The following NAA25 variants were observed in gnomAD, a reference collection of about 807,000 sequenced individuals.
NAA25 encodes N-alpha-acetyltransferase 25, NatB auxiliary subunit.
A neutral mutation model predicts 132.5 loss-of-function variants in NAA25; 30 were observed. The ratio of observed to expected loss-of-function variants is 0.23; its 90% confidence interval spans 0.17 to 0.31. The LOEUF (loss-of-function observed/expected upper bound fraction) is 0.31. Ranked by LOEUF, NAA25 falls within the 10% of genes least tolerant of loss-of-function variation. The pLI, the probability that NAA25 is intolerant of heterozygous loss-of-function variation, is 1.00. For missense variants in NAA25, 771 were observed against 1,150.4 expected (o/e 0.67, Z 4.77); for synonymous variants, 359 against 401.9 (o/e 0.89, Z 1.28).
chr12:112,095,896 G>A (rs968000076), intron 1 of NAA25, among the ~76,000 whole-genome samples: 3 of 152,130 alleles, frequency 2.0e-5, no homozygotes, highest in Non-Finnish European at 4.4e-5. Context: ...ATACTGTAAT[G>A]GTGGATATAG....
At chr12:112,102,862 A>G (rs2079314146) in intron 1 of NAA25, among the ~76,000 whole-genome samples, 1 of 151,478 alleles carries the variant, frequency 6.6e-6, no homozygotes, top group Admixed American at 6.6e-5. Context: ...AATTTTTCGT[A>G]TATTTTTAGT....
At chr12:112,098,506 T>C (rs577867095) in intron 1 of NAA25, among the ~76,000 whole-genome samples, 2 of 152,278 alleles carry the variant, frequency 1.3e-5, no homozygotes, top group South Asian at 4.1e-4. Context: ...ATAAAAACGA[T>C]ATCCTAAATC....
At chr12:112,047,573 C>T (rs1212271510) in intron 17 of NAA25, 92 bp downstream of exon 17, 15 of 1,441,910 alleles carry the variant, frequency 1.0e-5, no homozygotes, top group East Asian at 7.0e-5. Context: ...CCCAGGAGTT[C>T]GAAGCTGCAG....
chr12:112,032,427 C>T (rs1224986022), intron 23 of NAA25, among the ~76,000 whole-genome samples: 5 of 152,334 alleles, frequency 3.3e-5, no homozygotes, highest in Middle Eastern at 3.4e-3. Flanking sequence ...TCATTCCCTT[C>T]CCTATGAAGG....
intron 21 of NAA25, chr12:112,039,881 T>TC (rs1418854788): frequency 6.5e-6 from 1 of 154,452 alleles, no homozygotes; most frequent in African/African-American, 2.4e-5. Context: ...TACATATATG[T>TC]CCGCTTATTA....
At position 112,071,071 on chromosome 12, in the gene NAA25, C is replaced by T. The variant is rs11066145; in HGVS notation, c.1036+824G>A. 0.054 allele frequency among the ~76,000 whole-genome samples: 7,995 copies of T among 147,798 alleles called. 1,153 individuals are homozygous for T. The East Asian group carries it at 0.6, about 11-fold the overall frequency. ...CAATTTTTTGTATTTTTAGGAGAAA[C>T]GGGGTTACGGCCATGTTGGCCAGGC... On this transcript the variant is annotated intron_variant, in intron 10 of 23. Coordinates refer to ENST00000261745, the MANE Select transcript of NAA25 (RefSeq NM_024953.4).
intron 1 of NAA25, among the ~76,000 whole-genome samples, chr12:112,097,910 G>C (rs1015018104): frequency 3.3e-5 from 5 of 151,828 alleles, no homozygotes; most frequent in African/African-American, 7.3e-5. Flanking sequence ...TTGAGGTCAG[G>C]AGTTCAAGAC....
chr12:112,041,740 C>T (rs10849995), intron 20 of NAA25, among the ~76,000 whole-genome samples: 32,713 of 151,896 alleles, frequency 0.22, 5,681 homozygotes, highest in East Asian at 0.85. Flanking sequence ...TAGAATATTA[C>T]GCAGTCTTGA....
intron 1 of NAA25, among the ~76,000 whole-genome samples, chr12:112,095,435 T>TA (rs11433063): frequency 0.072 from 10,243 of 141,566 alleles, 1,374 homozygotes; most frequent in East Asian, 0.61. Context: ...AGACTCCGTC[T>TA]AAAAAAAAAA....
chr12:112,069,821 A>G (rs1566017272), intron 10 of NAA25, among the ~76,000 whole-genome samples: 1 of 148,384 alleles, frequency 6.7e-6, no homozygotes, highest in Non-Finnish European at 1.5e-5. Flanking sequence ...CTCCATCTCA[A>G]AAAAAAAAAC....
chr12:112,082,973 G>A (rs938032985), intron 4 of NAA25, among the ~76,000 whole-genome samples: 1 of 152,130 alleles, frequency 6.6e-6, no homozygotes, highest in African/African-American at 2.4e-5. Flanking sequence ...AGAGTAGCAG[G>A]AAAAGTGTTG....
At chr12:112,030,144 T>C (rs2078129632) in intron 23 of NAA25, among the ~76,000 whole-genome samples, 1 of 131,042 alleles carries the variant, frequency 7.6e-6, no homozygotes, top group Admixed American at 1.0e-4. Context: ...ACTCTAGAGG[T>C]AGAGGTAGTA....
At chr12:112,083,552 C>T (rs866772005) in intron 4 of NAA25, among the ~76,000 whole-genome samples, 6 of 151,578 alleles carry the variant, frequency 4.0e-5, no homozygotes, top group Non-Finnish European at 8.8e-5. Context: ...GATACAGCAG[C>T]GGCAGAATAA....
At chr12:112,056,308 T>C (rs903924009) in intron 13 of NAA25, among the ~76,000 whole-genome samples, 2 of 152,052 alleles carry the variant, frequency 1.3e-5, no homozygotes, top group African/African-American at 4.8e-5. Context: ...CACTCCAGCC[T>C]GGGACGGAGT....
At chr12:112,058,990 C>T (rs894840634) in intron 13 of NAA25, among the ~76,000 whole-genome samples, 1 of 144,750 alleles carries the variant, frequency 6.9e-6, no homozygotes, top group Non-Finnish European at 1.5e-5. Flanking sequence ...AGGAGAATGG[C>T]GTGAACCTGG....
intron 17 of NAA25, 124 bp from the exon 18 acceptor site, chr12:112,043,992 A>G (rs2078338204): frequency 3.2e-6 from 3 of 929,616 alleles, no homozygotes; most frequent in Non-Finnish European, 4.7e-6. Flanking sequence ...CAGTGGCACT[A>G]TCTCTGCTCA....
rs1241918261 is a variant in NAA25 at position 112,027,996 on chromosome 12, G to A, written c.*1535C>T. ...ACAAGCCTTATTTTGAACAGGTAAT[G>A]TAGTAATTGTTTAAAATTTCCTTGG... On this transcript the variant is annotated 3_prime_UTR_variant, in exon 24 of 24. Coordinates refer to ENST00000261745, the MANE Select transcript of NAA25 (RefSeq NM_024953.4). 1 of 152,200 alleles carries A rather than the reference G, an allele frequency of 6.6e-6. No individual in the cohort carries two copies. The highest frequency in any genetic ancestry group is 1.5e-5 in the Non-Finnish European group (1 of 68,032). The allele number at this position is 152,200 out of a possible 1,614,324, so 9.4% of individuals were successfully genotyped here.
At chr12:112,056,237 G>A (rs1254314178) in intron 13 of NAA25, among the ~76,000 whole-genome samples, 2 of 152,054 alleles carry the variant, frequency 1.3e-5, no homozygotes, top group Non-Finnish European at 2.9e-5. Flanking sequence ...AGGAGGCTGA[G>A]GCAGAAGAAT....
rs181672934 is a variant in NAA25, at chr12:112,087,662, T to C, written c.402+21A>G. Reference sequence around the variant, plus strand: ...TCTAATAGTAAATCCCATAGCCCAGTAGGTTTGGGGATCAAATTACCTGTT... The same window carrying C: ...TCTAATAGTAAATCCCATAGCCCAGCAGGTTTGGGGATCAAATTACCTGTT... On this transcript the variant is annotated intron_variant, in intron 4 of 23. Transcript: ENST00000261745. 1.4e-5 allele frequency: 21 copies of C among 1,538,264 alleles called. No individual in the cohort carries two copies. The African/African-American group carries it at 2.6e-4, about 19-fold the overall frequency.
Sources: gnomAD v4.1 joint callset for allele counts (sites outside exome capture counted in the v4.1 genomes callset) on GRCh38, gnomAD v4.1.1 for gene constraint, MANE v1.5 for transcripts, NCBI Gene and HGNC (gene_info 2026-07-23, HGNC 2026-07-21) for gene names.